The following NCKAP5 variants were observed in gnomAD, a reference collection of about 807,000 sequenced individuals.
NCKAP5 encodes NCK associated protein 5, also known as nck-associated protein 5.
A neutral mutation model predicts 167.0 loss-of-function variants in NCKAP5; 92 were observed. That is an observed-to-expected ratio of 0.55 (90% CI 0.47 to 0.66). The LOEUF is 0.66. Ranked by LOEUF, NCKAP5 falls within the 30% of genes least tolerant of loss-of-function variation. The pLI, the probability that NCKAP5 is intolerant of heterozygous loss-of-function variation, is 0.00. For missense variants in NCKAP5, 2,378 were observed against 2,315.0 expected (o/e 1.03, Z -0.56); for synonymous variants, 891 against 877.4 (o/e 1.02, Z -0.27).
chr2:132,780,183 G>A (rs980283025), intron 15 of NCKAP5, among the ~76,000 whole-genome samples: 1 of 151,896 alleles, frequency 6.6e-6, no homozygotes, highest in Non-Finnish European at 1.5e-5. Flanking sequence ...AAGGAGTTTC[G>A]CTCTGTCGCC....
intron 3 of NCKAP5, among the ~76,000 whole-genome samples, chr2:133,455,464 A>C (rs1691790577): frequency 6.6e-6 from 1 of 152,176 alleles, no homozygotes. Context: ...CCCTAGATAT[A>C]TATATCATCC....
At chr2:133,230,458 A>T (rs1416276769) in intron 4 of NCKAP5, among the ~76,000 whole-genome samples, 1 of 152,208 alleles carries the variant, frequency 6.6e-6, no homozygotes, top group Non-Finnish European at 1.5e-5. Flanking sequence ...AATTAGAGAA[A>T]AGAACACTAG....
intron 4 of NCKAP5, among the ~76,000 whole-genome samples, chr2:133,230,048 A>C (rs1456102015): frequency 1.3e-5 from 2 of 152,112 alleles, no homozygotes; most frequent in African/African-American, 4.8e-5. Context: ...TTGGCATCTC[A>C]CTTGTTTTGA....
chr2:133,418,187 G>C (rs892937535), intron 3 of NCKAP5, among the ~76,000 whole-genome samples: 5 of 152,182 alleles, frequency 3.3e-5, no homozygotes, highest in African/African-American at 1.2e-4. Flanking sequence ...CTTTGACCTT[G>C]CTTTAATGAT....
chr2:132,981,582 C>A (rs186373998), intron 7 of NCKAP5, among the ~76,000 whole-genome samples: 1 of 152,156 alleles, frequency 6.6e-6, no homozygotes, highest in Non-Finnish European at 1.5e-5. Context: ...CCCAGGGAAC[C>A]ATTAGGAATT....
intron 3 of NCKAP5, among the ~76,000 whole-genome samples, chr2:133,316,358 GT>G (rs1681609701): frequency 6.6e-6 from 1 of 152,164 alleles, no homozygotes; most frequent in Non-Finnish European, 1.5e-5. Flanking sequence ...TGCTTCTCAT[GT>G]TGGATCTAGG....
intron 4 of NCKAP5, among the ~76,000 whole-genome samples, chr2:133,291,370 T>C (rs1250507327): frequency 6.6e-6 from 1 of 152,036 alleles, no homozygotes; most frequent in Admixed American, 6.5e-5. Context: ...CTGTTACATG[T>C]TTGGGGTATT....
chr2:132,941,294 C>A (rs1347426407), intron 8 of NCKAP5, among the ~76,000 whole-genome samples: 1 of 152,228 alleles, frequency 6.6e-6, no homozygotes, highest in African/African-American at 2.4e-5. Flanking sequence ...GCACTATCAG[C>A]ATCTCCCTGT....
chr2:132,939,357 A>C (rs923955973), intron 8 of NCKAP5, among the ~76,000 whole-genome samples: 1 of 152,186 alleles, frequency 6.6e-6, no homozygotes, highest in Non-Finnish European at 1.5e-5. Flanking sequence ...TTCATGCACA[A>C]GTAATGAATG....
At chr2:132,828,723 A>C (rs1687305289) in intron 11 of NCKAP5, among the ~76,000 whole-genome samples, 2 of 152,332 alleles carry the variant, frequency 1.3e-5, no homozygotes, top group South Asian at 4.1e-4. Flanking sequence ...GGGTCACTTC[A>C]GAGTGCGTGT....
At chr2:133,630,213 T>C in the NCKAP5 span, among the ~76,000 whole-genome samples, 1 of 152,074 alleles carries the variant, frequency 6.6e-6, no homozygotes, top group African/African-American at 2.4e-5. Flanking sequence ...AAAAACCACA[T>C]ACTATATGAA....
chr2:132,681,215 T>A (rs915527477), intron 19 of NCKAP5, among the ~76,000 whole-genome samples: 1 of 152,176 alleles, frequency 6.6e-6, no homozygotes, highest in African/African-American at 2.4e-5. Flanking sequence ...CTTCTAAATC[T>A]ACTCAAGTAA....
At chr2:133,069,156 C>A (rs1048746404) in intron 6 of NCKAP5, among the ~76,000 whole-genome samples, 1 of 152,176 alleles carries the variant, frequency 6.6e-6, no homozygotes, top group Non-Finnish European at 1.5e-5. Context: ...AATTAGATGC[C>A]TTAAGGTCTT....
At chr2:133,446,349 A>G (rs1385687271) in intron 3 of NCKAP5, among the ~76,000 whole-genome samples, 1 of 152,242 alleles carries the variant, frequency 6.6e-6, no homozygotes, top group Admixed American at 6.5e-5. Context: ...GTGTCTAAAG[A>G]TAAAGGAAAA....
chr2:133,350,567 G>A (rs1684292479), intron 3 of NCKAP5, among the ~76,000 whole-genome samples: 1 of 152,162 alleles, frequency 6.6e-6, no homozygotes, highest in African/African-American at 2.4e-5. Flanking sequence ...CCAGCACTTT[G>A]GTTTGGCCAA....
intron 2 of NCKAP5, among the ~76,000 whole-genome samples, chr2:133,540,176 A>G (rs1010519748): frequency 1.3e-5 from 2 of 152,168 alleles, no homozygotes; most frequent in African/African-American, 2.4e-5. Context: ...GTGAAACTCC[A>G]TCTAAAAAGA....
chr2:132,965,904 T>TTGTG (rs60589235), intron 7 of NCKAP5, among the ~76,000 whole-genome samples: 5,554 of 140,878 alleles, frequency 0.039, 228 homozygotes, highest in African/African-American at 0.1. Flanking sequence ...ACATGACTCT[T>TTGTG]TGTGTGTGTG....
intron 3 of NCKAP5, among the ~76,000 whole-genome samples, chr2:133,452,602 C>G (rs1691616768): frequency 6.6e-6 from 1 of 152,186 alleles, no homozygotes; most frequent in South Asian, 2.1e-4. Flanking sequence ...ACAATCTCCT[C>G]AAACAACACC....
chr2:132,737,254 T>A (rs773026518), intron 16 of NCKAP5, among the ~76,000 whole-genome samples: 12 of 152,178 alleles, frequency 7.9e-5, no homozygotes, highest in Admixed American at 2.0e-4. Flanking sequence ...GAGAATCTCA[T>A]AGAGAATGGA....
Sources: gnomAD v4.1 joint callset for allele counts (sites outside exome capture counted in the v4.1 genomes callset) on GRCh38, gnomAD v4.1.1 for gene constraint, MANE v1.5 for transcripts, NCBI Gene and HGNC (gene_info 2026-07-23, HGNC 2026-07-21) for gene names.